RBL1: variants seen among roughly 807,000 people sequenced by gnomAD.
RBL1 encodes RB transcriptional corepressor like 1, also known as retinoblastoma-like protein 1.
In RBL1, 82 loss-of-function variants were observed where a neutral mutation model predicts 123.0. That is an observed-to-expected ratio of 0.67 (90% CI 0.56 to 0.80). The LOEUF is 0.80. RBL1 is among the 30% of genes least tolerant of loss of function. The pLI is 0.00. For missense variants in RBL1, 1,171 were observed against 1,299.6 expected (o/e 0.90, Z 1.52); for synonymous variants, 405 against 441.3 (o/e 0.92, Z 1.03).
At chr20:37,020,262 T>A (rs2064320280) in intron 18 of RBL1, among the ~76,000 whole-genome samples, 1 of 152,032 alleles carries the variant, frequency 6.6e-6, no homozygotes, top group African/African-American at 2.4e-5. Context: ...CTAATTTTTG[T>A]ATTTTTAGTA....
At chr20:37,071,306 C>A (rs2065278023) in intron 2 of RBL1, among the ~76,000 whole-genome samples, 1 of 152,114 alleles carries the variant, frequency 6.6e-6, no homozygotes, top group Non-Finnish European at 1.5e-5. Context: ...AGCAAATCAT[C>A]CAAAGCTATT....
intron 20 of RBL1, 44 bp downstream of exon 20, chr20:37,007,367 C>T (rs1418487172): frequency 1.3e-6 from 2 of 1,586,462 alleles, no homozygotes; most frequent in Middle Eastern, 1.7e-4. Context: ...AGTAATCCAA[C>T]TATGACAGCA....
intron 14 of RBL1, among the ~76,000 whole-genome samples, chr20:37,035,991 T>C (rs1319654993): frequency 3.3e-5 from 5 of 152,200 alleles, no homozygotes; most frequent in Admixed American, 1.3e-4. Flanking sequence ...GAATCATCTT[T>C]AGTAAATCTA....
intron 21 of RBL1, among the ~76,000 whole-genome samples, chr20:37,002,350 T>G (rs1377249044): frequency 7.1e-6 from 1 of 140,832 alleles, no homozygotes; most frequent in Non-Finnish European, 1.6e-5. Context: ...TTTTTTTTTT[T>G]TTTTTTTTTT....
chr20:37,003,666 TA>T, intron 21 of RBL1, 35 bp downstream of exon 21: 1 of 1,548,336 alleles, frequency 6.5e-7, no homozygotes, highest in African/African-American at 1.4e-5. Flanking sequence ...TACTGACTGT[TA>T]ATCTGAAATC....
At chr20:37,074,965 GA>G (rs1279991643) in intron 2 of RBL1, among the ~76,000 whole-genome samples, 9 of 152,174 alleles carry the variant, frequency 5.9e-5, no homozygotes, top group Non-Finnish European at 1.3e-4. Flanking sequence ...CCAAAAGGTA[GA>G]AATAACTCAT....
Position 37,085,137 on chromosome 20 carries a change from T to C in RBL1, c.290+3852A>G, listed in dbSNP as rs534962292. The stretch of plus-strand genomic sequence containing the variant: ...AGACGTTTTTCTTTTCTTTTCTTTT[T>C]TTTTTTTTTTTGAGATGGAGTTTCA... On this transcript the variant is annotated intron_variant, in intron 2 of 21. Coordinates refer to ENST00000373664, the MANE Select transcript of RBL1 (RefSeq NM_002895.5). Among the ~76,000 whole-genome samples, 18 of 150,548 alleles carry C rather than the reference T, an allele frequency of 1.2e-4. No individual in the cohort carries two copies. In the East Asian group the frequency reaches 1.9e-3, roughly 16 times the overall value.
At chr20:37,091,665 CAAA>C (rs11421608) in intron 1 of RBL1, among the ~76,000 whole-genome samples, 7 of 105,914 alleles carry the variant, frequency 6.6e-5, no homozygotes, top group Admixed American at 1.1e-4. Flanking sequence ...GACTCTATCT[CAAA>C]AAAAAAAAAA....
At chr20:37,039,452 TG>T (rs1568847806) in intron 14 of RBL1, among the ~76,000 whole-genome samples, 1 of 152,236 alleles carries the variant, frequency 6.6e-6, no homozygotes, top group South Asian at 2.1e-4. Context: ...CACTGAATCA[TG>T]GGGGTGGGTC....
intron 15 of RBL1, among the ~76,000 whole-genome samples, chr20:37,033,254 C>T (rs901012006): frequency 2.4e-4 from 36 of 149,364 alleles, no homozygotes; most frequent in Admixed American, 2.1e-3. Context: ...GGCGTGATCT[C>T]GGCTCACTGC....
At chr20:37,028,581 C>A (rs1198500605) in intron 16 of RBL1, among the ~76,000 whole-genome samples, 1 of 152,086 alleles carries the variant, frequency 6.6e-6, no homozygotes, top group Non-Finnish European at 1.5e-5. Context: ...TCCCAGCAAT[C>A]TTTAGAATGA....
At chr20:37,049,476 GAA>G in intron 11 of RBL1, 1 of 754,508 alleles carries the variant, frequency 1.3e-6, no homozygotes, top group East Asian at 2.4e-5. Context: ...GTGGTGCTAA[GAA>G]AAGGAAGAAG....
At position 37,059,857 on chromosome 20, in the gene RBL1, C is replaced by A. The variant is rs1285480144; in HGVS notation, c.1250+1246G>T. Among the ~76,000 whole-genome samples, 463 of 145,118 alleles carry A rather than the reference C, an allele frequency of 3.2e-3. 2 individuals carry two copies. The highest frequency in any genetic ancestry group is 5.1e-3 in the Non-Finnish European group (336 of 65,962). On this transcript the variant is annotated intron_variant, in intron 9 of 21. Coordinates refer to ENST00000373664, the MANE Select transcript of RBL1 (RefSeq NM_002895.5). ...CCAGGAATCATGCTTCCTTAAAAAA[C>A]AAAAAAAAAAACTGTATAAAATTCC...
At chr20:37,069,487 G>A (rs536582670) in intron 2 of RBL1, among the ~76,000 whole-genome samples, 5 of 150,438 alleles carry the variant, frequency 3.3e-5, no homozygotes, top group South Asian at 4.2e-4. Context: ...CCTCTGCCCC[G>A]CCACCCCGTC....
intron 19 of RBL1, among the ~76,000 whole-genome samples, chr20:37,017,937 G>C (rs1373133735): frequency 6.6e-6 from 1 of 152,048 alleles, no homozygotes; most frequent in African/African-American, 2.4e-5. Flanking sequence ...GCCCAGCCGG[G>C]ACATTTTCTT....
At chr20:37,025,313 A>G (rs1019388594) in intron 16 of RBL1, among the ~76,000 whole-genome samples, 3 of 152,128 alleles carry the variant, frequency 2.0e-5, no homozygotes, top group Non-Finnish European at 4.4e-5. Flanking sequence ...TGAGTCCAGG[A>G]GTTTGAAACC....
intron 11 of RBL1, chr20:37,049,240 T>C (rs1600529210): frequency 2.1e-6 from 1 of 482,046 alleles, no homozygotes; most frequent in Admixed American, 3.4e-5. Context: ...AATTTAAAGA[T>C]CCGCCATCTG....
chr20:37,046,915 G>A (rs1346434249), intron 12 of RBL1, 138 bp downstream of exon 12: 19 of 1,284,864 alleles, frequency 1.5e-5, no homozygotes, highest in Non-Finnish European at 1.8e-5. Flanking sequence ...GCCTAGCCAG[G>A]AATATATATT....
intron 12 of RBL1, among the ~76,000 whole-genome samples, chr20:37,044,867 A>G (rs543012128): frequency 6.6e-6 from 1 of 152,264 alleles, no homozygotes; most frequent in Non-Finnish European, 1.5e-5. Flanking sequence ...TTCCAAGTCT[A>G]GTTCTATTTT....
Sources: gnomAD v4.1 joint callset for allele counts (sites outside exome capture counted in the v4.1 genomes callset) on GRCh38, gnomAD v4.1.1 for gene constraint, MANE v1.5 for transcripts, NCBI Gene and HGNC (gene_info 2026-07-23, HGNC 2026-07-21) for gene names.